DYRK1A: variants seen among roughly 807,000 people sequenced by gnomAD.
DYRK1A encodes dual specificity tyrosine-phosphorylation-regulated kinase 1A.
In DYRK1A, 9 loss-of-function variants were observed where a neutral mutation model predicts 79.7. The observed-to-expected ratio is 0.11, with a 90% CI of 0.07 to 0.20. DYRK1A has a LOEUF of 0.20. Among genes scored for constraint, DYRK1A ranks in the 10% least tolerant of loss-of-function variants. The probability of loss-of-function intolerance (pLI) is 1.00; values close to 1 mark genes in which losing one functional copy is unlikely to be tolerated. For synonymous variants in DYRK1A, 349 were observed against 329.7 expected (o/e 1.06, Z -0.63); for missense variants, 622 against 956.0 (o/e 0.65, Z 4.61).
intron 2 of DYRK1A, among the ~76,000 whole-genome samples, chr21:37,467,258 C>G (rs1406019591): frequency 1.3e-5 from 2 of 152,186 alleles, no homozygotes; most frequent in Non-Finnish European, 2.9e-5. Flanking sequence ...TTTGTTTTCA[C>G]AGGATCTTGC....
intron 1 of DYRK1A, among the ~76,000 whole-genome samples, chr21:37,370,851 T>C (rs1176286894): frequency 6.6e-6 from 1 of 152,246 alleles, no homozygotes; most frequent in Non-Finnish European, 1.5e-5. Context: ...TAGTAATGTT[T>C]CCTGAAACTT....
rs942242807 is a variant in DYRK1A at position 37,518,410 on chromosome 21, C to T, written c.*5879C>T. ...TACTCATCAATTTAAAATGACTGTCCAGCCTTGCTGCACACTAAACTCATC... is the reference window on the plus strand; with the variant it reads ...TACTCATCAATTTAAAATGACTGTCTAGCCTTGCTGCACACTAAACTCATC... On this transcript the variant is annotated 3_prime_UTR_variant, in exon 12 of 12. Transcript: ENST00000647188. 3 of 152,086 alleles carry T rather than the reference C, an allele frequency of 2.0e-5. No homozygotes were observed. Among genetic ancestry groups the T allele is most frequent in the African/African-American group, 7.2e-5 (3 of 41,396 alleles). The allele number at this position is 152,086 out of a possible 1,614,324, so 9.4% of individuals were successfully genotyped here.
At chr21:37,388,072 G>C (rs922362340) in intron 1 of DYRK1A, among the ~76,000 whole-genome samples, 1 of 137,352 alleles carries the variant, frequency 7.3e-6, no homozygotes, top group Non-Finnish European at 1.6e-5. Context: ...ATAAATTTCT[G>C]TGTTTTTATC....
At chr21:37,495,348 A>C (rs541055566) in intron 8 of DYRK1A, among the ~76,000 whole-genome samples, 2 of 151,974 alleles carry the variant, frequency 1.3e-5, no homozygotes, top group East Asian at 3.9e-4. Context: ...CATCTCCACA[A>C]AAACTTTTAA....
intron 9 of DYRK1A, chr21:37,504,009 T>C (rs2053525308): frequency 6.6e-6 from 1 of 152,192 alleles, no homozygotes; most frequent in Admixed American, 6.5e-5. Context: ...AAGATGGAAG[T>C]GAGTCATATT....
At position 37,478,396 on chromosome 21, in the gene DYRK1A, G is replaced by T. The variant is rs2052479113; in HGVS notation, c.300+96G>T. ...ACCCTAAACTTTTTTTTCATTCCTA[G>T]TAGTTGTCATATTGATGATTATTAT... is the stretch of plus-strand genomic sequence containing the variant. On this transcript the variant is annotated intron_variant, in intron 4 of 11. Transcript: ENST00000647188. 3 of 976,734 alleles carry T rather than the reference G, an allele frequency of 3.1e-6. No individual in the cohort carries two copies. In the South Asian group the frequency reaches 5.1e-5, roughly 17 times the overall value. The allele number at this position is 976,734 out of a possible 1,614,324, so 60.5% of individuals were successfully genotyped here.
At chr21:37,483,266 T>C (rs61099598) in intron 5 of DYRK1A, among the ~76,000 whole-genome samples, 5,709 of 152,306 alleles carry the variant, frequency 0.037, 354 homozygotes, top group African/African-American at 0.13. Flanking sequence ...TCACAATCCA[T>C]GTTCTTCTGC....
intron 1 of DYRK1A, among the ~76,000 whole-genome samples, chr21:37,383,832 G>GGGGT (rs1555950683): frequency 8.7e-6 from 1 of 115,480 alleles, no homozygotes; most frequent in Admixed American, 8.2e-5. Context: ...GATAGGTAAT[G>GGGGT]GTGTATGTGT....
intron 2 of DYRK1A, among the ~76,000 whole-genome samples, chr21:37,447,172 A>G (rs2051300820): frequency 6.6e-6 from 1 of 152,232 alleles, no homozygotes; most frequent in Middle Eastern, 3.4e-3. Flanking sequence ...GAGTTGAGTG[A>G]GACAGTGTTT....
chr21:37,463,337 G>A (rs778821010), intron 2 of DYRK1A, among the ~76,000 whole-genome samples: 13 of 151,962 alleles, frequency 8.6e-5, no homozygotes, highest in Non-Finnish European at 1.6e-4. Flanking sequence ...TAGACTTTTT[G>A]CATAGTCACA....
intron 2 of DYRK1A, among the ~76,000 whole-genome samples, chr21:37,432,974 T>TAA (rs1301962561): frequency 1.7e-5 from 2 of 114,914 alleles, no homozygotes; most frequent in Middle Eastern, 4.8e-3. Context: ...AAACTCCATC[T>TAA]AAAAAAAAAA....
intron 1 of DYRK1A, among the ~76,000 whole-genome samples, chr21:37,372,279 A>C (rs1367673876): frequency 9.8e-6 from 1 of 101,956 alleles, no homozygotes; most frequent in Non-Finnish European, 2.0e-5. Context: ...CCCTGTCTCA[A>C]AAAACAAAAC....
At chr21:37,471,913 C>G (rs562802280) in intron 2 of DYRK1A, among the ~76,000 whole-genome samples, 9 of 152,114 alleles carry the variant, frequency 5.9e-5, no homozygotes, top group African/African-American at 2.2e-4. Context: ...TAAGAAAAAT[C>G]TTTTTTTTAT....
rs2053824691 is a variant in DYRK1A, at chr21:37,513,660, T to C, written c.*1129T>C. On this transcript the variant is annotated 3_prime_UTR_variant, in exon 12 of 12. Transcript: ENST00000647188. Reference sequence around the variant, plus strand: ...GCTTTTTACTTTTTCTTTTGCTTTTTCTCGGCACGTGGTATCTCCACCATT... The same window carrying C: ...GCTTTTTACTTTTTCTTTTGCTTTTCCTCGGCACGTGGTATCTCCACCATT... 6.5e-6 allele frequency: 1 copy of C among 152,686 alleles called. No individual in the cohort carries two copies. The highest frequency in any genetic ancestry group is 2.1e-4 in the South Asian group (1 of 4,834). The allele number at this position is 152,686 out of a possible 1,614,324, so 9.5% of individuals were successfully genotyped here. A position where few individuals can be genotyped will look rare whatever the true frequency, so the allele number is the denominator to read the frequency against.
intron 3 of DYRK1A, among the ~76,000 whole-genome samples, chr21:37,476,484 A>G (rs1299464750): frequency 6.6e-6 from 1 of 152,240 alleles, no homozygotes; most frequent in Non-Finnish European, 1.5e-5. Flanking sequence ...GAAACCTCAC[A>G]TTTAGGCTGC....
At chr21:37,508,389 G>A (rs1319551228) in intron 11 of DYRK1A, among the ~76,000 whole-genome samples, 1 of 152,184 alleles carries the variant, frequency 6.6e-6, no homozygotes, top group Non-Finnish European at 1.5e-5. Context: ...CCTGGTTCAA[G>A]CGAGTCTCCT....
In DYRK1A at chr21:37,386,587, CCTGT is replaced by C. The variant is rs146228544; in HGVS notation, c.-77+18962_-77+18965del. On this transcript the variant is annotated intron_variant, in intron 1 of 11. Coordinates refer to ENST00000647188, the MANE Select transcript of DYRK1A (RefSeq NM_001347721.2). The stretch of plus-strand genomic sequence containing the variant: ...TTCTTTTAGCTGCTTCTTCAATTTA[CCTGT>C]CTATTCTAAACAATGTGCTTGTTTT... Among the ~76,000 whole-genome samples the C allele has an allele frequency of 7.0e-3, 1,071 of 152,292 alleles. 12 individuals carry two copies. Among genetic ancestry groups the C allele is most frequent in the African/African-American group, 0.025 (1,028 of 41,554 alleles).
chr21:37,385,557 C>T (rs2049743845), intron 1 of DYRK1A, among the ~76,000 whole-genome samples: 1 of 152,168 alleles, frequency 6.6e-6, no homozygotes, highest in African/African-American at 2.4e-5. Flanking sequence ...CATGCCATGC[C>T]ATTACCTTTG....
chr21:37,441,202 C>T (rs1323160845), intron 2 of DYRK1A, among the ~76,000 whole-genome samples: 3 of 152,070 alleles, frequency 2.0e-5, no homozygotes, highest in Non-Finnish European at 2.9e-5. Flanking sequence ...ATAATATAGC[C>T]ATTCTGTCTT....
Sources: gnomAD v4.1 joint callset for allele counts (sites outside exome capture counted in the v4.1 genomes callset) on GRCh38, gnomAD v4.1.1 for gene constraint, MANE v1.5 for transcripts, NCBI Gene and HGNC (gene_info 2026-07-23, HGNC 2026-07-21) for gene names.